OLFML2A: variants seen among roughly 807,000 people sequenced by gnomAD.
OLFML2A encodes the protein olfactomedin-like protein 2A.
In OLFML2A, 47 loss-of-function variants were observed where a neutral mutation model predicts 60.9. That is an observed-to-expected ratio of 0.77 (90% CI 0.61 to 0.98). The LOEUF (loss-of-function observed/expected upper bound fraction) is 0.98, where lower values mean the gene tolerates loss of function less well. Ranked by LOEUF, OLFML2A falls within the 50% of genes least tolerant of loss-of-function variation. The pLI, the probability that OLFML2A is intolerant of heterozygous loss-of-function variation, is 0.00. For synonymous variants in OLFML2A, 372 were observed against 375.0 expected, an observed-to-expected ratio of 0.99 and a Z score of 0.09; for missense variants, 922 against 879.8, an observed-to-expected ratio of 1.05 and a Z score of -0.61.
chr9:124,796,617 G>A (rs1564285147), intron 3 of OLFML2A, among the ~76,000 whole-genome samples: 1 of 152,238 alleles, frequency 6.6e-6, no homozygotes, highest in African/African-American at 2.4e-5. Flanking sequence ...CCTGGGAGGA[G>A]GTGGGGAGAG....
At chr9:124,780,519 G>A (rs1841343216) in intron 1 of OLFML2A, among the ~76,000 whole-genome samples, 1 of 152,238 alleles carries the variant, frequency 6.6e-6, no homozygotes, top group African/African-American at 2.4e-5. Context: ...AGTCCCGGGG[G>A]TTTAGGTGTT....
chr9:124,801,045 C>T lies in OLFML2A; in HGVS notation c.670-369C>T, dbSNP rs16927644. 1,401 of 1,551,598 alleles carry T rather than the reference C, an allele frequency of 9.0e-4. 7 individuals are homozygous for T. The African/African-American group carries it at 0.015, about 17-fold the overall frequency. ...CCTCTCCCCTGCCCACGTACTAAGA[C>T]CAATGAGTAAGAGAGACAAGGCTGG... On this transcript the variant is annotated intron_variant, in intron 4 of 7. Coordinates refer to ENST00000373580, the MANE Select transcript of OLFML2A (RefSeq NM_182487.4).
chr9:124,810,284 C>A lies in OLFML2A; in HGVS notation c.1831C>A (p.Arg611Ser). 6.2e-7 allele frequency: 1 copy of A among 1,610,256 alleles called. No individual in the cohort carries two copies. Residue 611 changes from arginine (R) to serine (S), a missense_variant, in exon 8 of 8, where the codon CGC becomes AGC. Physicochemically the swap from Arg to Ser is moderately radical, Grantham distance 110 (BLOSUM62 -1). Coordinates refer to ENST00000373580, the MANE Select transcript of OLFML2A (RefSeq NM_182487.4). ...AFDTHTGTDARPQLPFLNEHA... is the reference protein window; with the variant it reads ...AFDTHTGTDASPQLPFLNEHA... ...CGACACGCACACGGGCACCGACGCA[C>A]GCCCCCAGCTGCCGTTCCTCAACGA...
Position 124,779,491 on chromosome 9 carries a change from C to T in OLFML2A, c.90+2131C>T, listed in dbSNP as rs537032414. On this transcript the variant is annotated intron_variant, in intron 1 of 7. Coordinates refer to ENST00000373580, the MANE Select transcript of OLFML2A (RefSeq NM_182487.4). The surrounding 1 kb of genome is among the most constrained non-coding windows in gnomAD (Gnocchi z 4.1). The stretch of plus-strand genomic sequence containing the variant: ...CAAAGCAGAGACAAAGAAAACCCAA[C>T]ACCCTGTTTGTGTAGTGAGTCAGCC... Among the ~76,000 whole-genome samples the T allele has an allele frequency of 1.3e-4, 20 of 152,004 alleles. No homozygotes were observed. The East Asian group carries it at 3.7e-3, about 28-fold the overall frequency.
At chr9:124,794,631 CT>C (rs1332078802) in intron 2 of OLFML2A, among the ~76,000 whole-genome samples, 1 of 151,584 alleles carries the variant, frequency 6.6e-6, no homozygotes, top group African/African-American at 2.4e-5. Context: ...TATTATTATT[CT>C]TTTTTTTGGA....
Position 124,779,422 on chromosome 9 carries a change from T to G in OLFML2A, c.90+2062T>G, listed in dbSNP as rs73585458. Among the ~76,000 whole-genome samples the G allele has an allele frequency of 0.018, 2,739 of 152,244 alleles. 79 individuals are homozygous for G. The highest frequency in any genetic ancestry group is 0.061 in the African/African-American group (2,550 of 41,532). ...GATATTTGGTGTTGGGCATCGTCTG[T>G]GCAGAGAGCTGTAGAGCTTGTGGGG... On this transcript the variant is annotated intron_variant, in intron 1 of 7. Coordinates refer to ENST00000373580, the MANE Select transcript of OLFML2A (RefSeq NM_182487.4). The surrounding 1 kb of genome is among the most constrained non-coding windows in gnomAD (Gnocchi z 4.1).
intron 3 of OLFML2A, among the ~76,000 whole-genome samples, chr9:124,796,584 A>C (rs781306425): frequency 2.0e-5 from 3 of 152,248 alleles, no homozygotes; most frequent in Non-Finnish European, 2.9e-5. Context: ...TGGAAAAATT[A>C]AAAGCAAAAA....
At chr9:124,784,541 T>C (rs180834273) in intron 1 of OLFML2A, among the ~76,000 whole-genome samples, 2 of 152,334 alleles carry the variant, frequency 1.3e-5, no homozygotes, top group East Asian at 1.9e-4. Context: ...TGAAACCTGG[T>C]ATATAAGTGA....
intron 6 of OLFML2A, among the ~76,000 whole-genome samples, chr9:124,805,527 GTTTT>G (rs1463196762): frequency 1.3e-5 from 2 of 151,986 alleles, no homozygotes; most frequent in Non-Finnish European, 2.9e-5. Flanking sequence ...TATACTCACA[GTTTT>G]TTAAAGTATG....
At chr9:124,782,832 G>A (rs2131241160) in intron 1 of OLFML2A, among the ~76,000 whole-genome samples, 1 of 152,270 alleles carries the variant, frequency 6.6e-6, no homozygotes, top group East Asian at 1.9e-4. Context: ...GGTGTTGGGA[G>A]TATGGGTGAG....
intron 1 of OLFML2A, among the ~76,000 whole-genome samples, chr9:124,785,098 C>T (rs140294629): frequency 1.9e-3 from 295 of 151,654 alleles, no homozygotes; most frequent in African/African-American, 6.7e-3. Flanking sequence ...GGGCTACAGG[C>T]ATGTGCCACC....
In OLFML2A at chr9:124,784,943, G is replaced by GTTTTTT. The variant is rs750733365; in HGVS notation, c.91-2009_91-2004dup. ...AATCAGTACTGCATTCCTTTTACTTGTTTTTTTTTTTTTTTTTTTTTTTTT... is the reference window on the plus strand; with the variant it reads ...AATCAGTACTGCATTCCTTTTACTTGTTTTTTTTTTTTTTTTTTTTTTTTTTTTTTT... On this transcript the variant is annotated intron_variant, in intron 1 of 7. Coordinates refer to ENST00000373580, the MANE Select transcript of OLFML2A (RefSeq NM_182487.4). Among the ~76,000 whole-genome samples, 549 of 69,582 alleles carry GTTTTTT rather than the reference G, an allele frequency of 7.9e-3. 163 individuals carry two copies. Among genetic ancestry groups the GTTTTTT allele is most frequent in the East Asian group, 0.037 (76 of 2,080 alleles). The allele number at this position is 69,582 out of a possible 152,430, so 45.6% of individuals were successfully genotyped here.
rs1021983194 is a variant in OLFML2A at position 124,779,174 on chromosome 9, G to C, written c.90+1814G>C. On this transcript the variant is annotated intron_variant, in intron 1 of 7. Coordinates refer to ENST00000373580, the MANE Select transcript of OLFML2A (RefSeq NM_182487.4). The surrounding 1 kb of genome is among the most constrained non-coding windows in gnomAD (Gnocchi z 4.1). The stretch of plus-strand genomic sequence containing the variant: ...GCTGGCTTGTACATTTAAAACCCTA[G>C]GTTCTGGCCTTCCTCTGCTATTCTT... Among the ~76,000 whole-genome samples the C allele has an allele frequency of 1.3e-5, 2 of 152,224 alleles. No homozygotes were observed. The highest frequency in any genetic ancestry group is 2.4e-5 in the African/African-American group (1 of 41,458).
chr9:124,793,989 G>A (rs1241879730), intron 2 of OLFML2A, among the ~76,000 whole-genome samples: 1 of 152,058 alleles, frequency 6.6e-6, no homozygotes, highest in Non-Finnish European at 1.5e-5. Context: ...CAGTGAGCTA[G>A]GATCATGCCA....
At position 124,804,308 on chromosome 9, in the gene OLFML2A, C is replaced by A. The variant is rs75414524; in HGVS notation, c.1134C>A (p.Thr378=). ...CCCCCACCACCAGTCTCCTGCCCACCGAGCCACCTTCAGGTCCAGAAGTCT... is the reference window on the plus strand; with the variant it reads ...CCCCCACCACCAGTCTCCTGCCCACAGAGCCACCTTCAGGTCCAGAAGTCT... ...TPTPTTSLLP[T]EPPSGPEVSS... is the part of the protein sequence containing the mutation. Residue 378 remains threonine (T), a synonymous_variant, in exon 6 of 8, where the codon ACC becomes ACA. Coordinates refer to ENST00000373580, the MANE Select transcript of OLFML2A (RefSeq NM_182487.4). 2.4e-3 allele frequency: 3,656 copies of A among 1,554,256 alleles called. 13 individuals are homozygous for A. Among genetic ancestry groups the A allele is most frequent in the Middle Eastern group, 0.019 (83 of 4,458 alleles).
chr9:124,791,114 G>A (rs1365060832), intron 2 of OLFML2A, among the ~76,000 whole-genome samples: 1 of 152,208 alleles, frequency 6.6e-6, no homozygotes, highest in Admixed American at 6.5e-5. Flanking sequence ...GCTGACCCCA[G>A]TAATGGCAGT....
intron 3 of OLFML2A, among the ~76,000 whole-genome samples, chr9:124,798,509 C>A (rs1294524146): frequency 2.0e-5 from 3 of 150,642 alleles, no homozygotes; most frequent in African/African-American, 7.3e-5. Flanking sequence ...CAGAGTGAGA[C>A]TCTGTCTCAA....
At position 124,777,166 on chromosome 9, in the gene OLFML2A, G is replaced by T; in HGVS notation, c.-105G>T. On this transcript the variant is annotated 5_prime_UTR_variant, in exon 1 of 8. Transcript: ENST00000373580. The surrounding 1 kb of genome is among the most constrained non-coding windows in gnomAD (Gnocchi z 6.2). ...GGGGCTGGCAGCAGGGTGCAGGCGC[G>T]GGGCGCGGGGCAGGCAGAGCGGGCG... is the stretch of plus-strand genomic sequence containing the variant. The T allele has an allele frequency of 2.6e-6, 1 of 390,428 alleles. No homozygotes were observed. The allele number at this position is 390,428 out of a possible 1,614,324, so 24.2% of individuals were successfully genotyped here.
chr9:124,807,498 G>A (rs1284969840), intron 6 of OLFML2A, among the ~76,000 whole-genome samples: 1 of 152,022 alleles, frequency 6.6e-6, no homozygotes. Context: ...GCCCGGGCTG[G>A]TCTTGAACTC....
Sources: gnomAD v4.1 joint callset for allele counts (sites outside exome capture counted in the v4.1 genomes callset) on GRCh38, gnomAD v4.1.1 for gene constraint, Gnocchi (gnomAD v3.1) non-coding constraint, MANE v1.5 for transcripts, NCBI Gene and HGNC (gene_info 2026-07-23, HGNC 2026-07-21) for gene names.